The following ANKRD31 variants were observed in gnomAD, a reference collection of about 807,000 sequenced individuals.
The protein encoded by ANKRD31 is ankyrin repeat domain-containing protein 31.
A neutral mutation model predicts 186.0 loss-of-function variants in ANKRD31; 147 were observed. The observed-to-expected ratio is 0.79, with a 90% CI of 0.69 to 0.91. The LOEUF (loss-of-function observed/expected upper bound fraction) is 0.91. ANKRD31 is among the 40% of genes least tolerant of loss of function. The pLI, the probability that ANKRD31 is intolerant of heterozygous loss-of-function variation, is 0.00. For missense variants in ANKRD31, 1,986 were observed against 2,148.8 expected, an observed-to-expected ratio of 0.92 and a Z score of 1.50; for synonymous variants, 673 against 736.4, an observed-to-expected ratio of 0.91 and a Z score of 1.39.
intron 17 of ANKRD31, among the ~76,000 whole-genome samples, chr5:75,135,235 T>C (rs572334534): frequency 1.7e-4 from 26 of 152,332 alleles, no homozygotes; most frequent in Non-Finnish European, 3.2e-4. Context: ...TTGTCCCTGT[T>C]TGCAGATGAC....
At chr5:75,102,695 G>A (rs1390160539) in intron 22 of ANKRD31, among the ~76,000 whole-genome samples, 1 of 152,208 alleles carries the variant, frequency 6.6e-6, no homozygotes, top group Non-Finnish European at 1.5e-5. Context: ...TGTGTTAGCA[G>A]TGAGTGAGGC....
intron 10 of ANKRD31, among the ~76,000 whole-genome samples, chr5:75,187,509 C>T (rs1361734854): frequency 1.3e-5 from 2 of 151,004 alleles, no homozygotes; most frequent in Admixed American, 6.6e-5. Flanking sequence ...CTTGAGAAAT[C>T]CATAAAGTCA....
chr5:75,230,141 T>C (rs1017875018), intron 2 of ANKRD31, among the ~76,000 whole-genome samples: 1 of 151,922 alleles, frequency 6.6e-6, no homozygotes, highest in Admixed American at 6.6e-5. Flanking sequence ...GTTCCTGCCT[T>C]GAGCCCTGAG....
chr5:75,108,163 ATACT>A (rs1387031902), intron 20 of ANKRD31, among the ~76,000 whole-genome samples: 3 of 151,880 alleles, frequency 2.0e-5, no homozygotes, highest in East Asian at 1.9e-4. Context: ...ATTATTTTAA[ATACT>A]TACACTATAT....
chr5:75,069,507 G>C (rs1744043947), intron 25 of ANKRD31, among the ~76,000 whole-genome samples: 1 of 152,068 alleles, frequency 6.6e-6, no homozygotes, highest in African/African-American at 2.4e-5. Context: ...CCCATTCAGA[G>C]AGAAGTGACA....
chr5:75,104,958 G>T lies in ANKRD31; in HGVS notation c.4601C>A (p.Pro1534His). Residue 1534 changes from proline to histidine, a missense_variant, in exon 22 of 26, where the codon CCT (proline) becomes CAT (histidine). By Grantham distance (77) the Pro-to-His change is moderately conservative. Coordinates refer to ENST00000506364, the MANE Select transcript of ANKRD31 (RefSeq NM_001372053.1). ...LEHPQSGSLSPVSGSMQETQL... is the reference protein window; with the variant it reads ...LEHPQSGSLSHVSGSMQETQL... ...TGTTTCCTGCATGCTTCCAGAAACA[G>T]GAGAAAGTGAACCTGATTGGGGATG... 1 of 1,537,144 alleles carries T rather than the reference G, an allele frequency of 6.5e-7. No homozygotes were observed. Among genetic ancestry groups the T allele is most frequent in the Non-Finnish European group, 8.7e-7 (1 of 1,146,880 alleles).
At chr5:75,149,426 T>C (rs921188664) in intron 12 of ANKRD31, among the ~76,000 whole-genome samples, 2 of 151,940 alleles carry the variant, frequency 1.3e-5, no homozygotes, top group African/African-American at 4.8e-5. Context: ...TTTAATTTAT[T>C]TCTTGGGGAT....
chr5:75,139,442 A>G (rs113241702), intron 15 of ANKRD31, among the ~76,000 whole-genome samples: 132 of 152,320 alleles, frequency 8.7e-4, no homozygotes, highest in African/African-American at 2.6e-3. Context: ...GTGCTGTACA[A>G]TATCATTAAC....
intron 8 of ANKRD31, 52 bp downstream of exon 8, chr5:75,193,259 T>C: frequency 6.7e-7 from 1 of 1,491,352 alleles, no homozygotes; most frequent in South Asian, 1.3e-5. Context: ...CATATAATTA[T>C]CTATAATGTC....
At chr5:75,097,686 C>T (rs966145984) in intron 22 of ANKRD31, among the ~76,000 whole-genome samples, 2 of 152,174 alleles carry the variant, frequency 1.3e-5, no homozygotes, top group African/African-American at 2.4e-5. Context: ...TCAGTTTTGG[C>T]TTCTGTTGCC....
chr5:75,206,570 T>C (rs2150277827), intron 4 of ANKRD31, 83 bp from the exon 5 acceptor site: 1 of 780,890 alleles, frequency 1.3e-6, no homozygotes, highest in Non-Finnish European at 1.7e-6. Context: ...AATTTTTCTT[T>C]TTCACTTAAA....
chr5:75,161,547 A>G (rs1752570917), intron 11 of ANKRD31, among the ~76,000 whole-genome samples: 1 of 152,190 alleles, frequency 6.6e-6, no homozygotes, highest in African/African-American at 2.4e-5. Context: ...TTCTGAGGAG[A>G]AATTCAAGTC....
At chr5:75,122,836 T>C (rs957877090) in intron 17 of ANKRD31, among the ~76,000 whole-genome samples, 1 of 152,124 alleles carries the variant, frequency 6.6e-6, no homozygotes, top group African/African-American at 2.4e-5. Flanking sequence ...TCATATTGAA[T>C]TGGGAAGGGC....
intron 2 of ANKRD31, 63 bp from the exon 3 acceptor site, chr5:75,222,421 C>A: frequency 5.9e-6 from 7 of 1,182,360 alleles, no homozygotes; most frequent in Non-Finnish European, 7.1e-6. Context: ...TGATAATGGC[C>A]CAATAATTTT....
Position 75,236,753 on chromosome 5 carries a change from G to A in ANKRD31, c.-67C>T. 1.7e-6 allele frequency: 2 copies of A among 1,207,904 alleles called. No individual in the cohort carries two copies. The highest frequency in any genetic ancestry group is 2.3e-6 in the Non-Finnish European group (2 of 871,400). The allele number at this position is 1,207,904 out of a possible 1,614,324, so 74.8% of individuals were successfully genotyped here. A position where few individuals can be genotyped will look rare whatever the true frequency, so the allele number is the denominator to read the frequency against. On this transcript the variant is annotated 5_prime_UTR_variant, in exon 1 of 26. Coordinates refer to ENST00000506364, the MANE Select transcript of ANKRD31 (RefSeq NM_001372053.1). ...CCCTCTTGCCCGCAAACAAAAAAAC[G>A]CTTTGAGGGCCAGGGGAAATTGTGA...
intron 10 of ANKRD31, among the ~76,000 whole-genome samples, chr5:75,171,569 G>A (rs907132770): frequency 6.7e-6 from 1 of 148,944 alleles, no homozygotes; most frequent in Non-Finnish European, 1.5e-5. Context: ...AAAGAACAAA[G>A]AAAACAAAAA....
chr5:75,120,047 G>T (rs1748630640), intron 17 of ANKRD31, among the ~76,000 whole-genome samples: 1 of 151,974 alleles, frequency 6.6e-6, no homozygotes, highest in Admixed American at 6.6e-5. Flanking sequence ...CTTAAATTGT[G>T]TGTTAAAAAT....
At position 75,104,380 on chromosome 5, in the gene ANKRD31, TCTGA is replaced by T. The variant is rs1436486481; in HGVS notation, c.5175_5178del (p.Ser1725ArgfsTer14). The T allele has an allele frequency of 7.8e-6, 12 of 1,537,100 alleles. No homozygotes were observed. Among genetic ancestry groups the T allele is most frequent in the Non-Finnish European group, 1.0e-5 (12 of 1,146,910 alleles). ...TGCCCAGATCCAGAGGAAGAGGAGA[TCTGA>T]CTGTCATCTGCACATGGAACAACAG... On this transcript the variant is annotated frameshift_variant, in exon 22 of 26. Transcript: ENST00000506364. LOFTEE classifies it high-confidence loss of function.
Position 75,082,426 on chromosome 5 carries a change from A to G in ANKRD31, c.5576-1787T>C, listed in dbSNP as rs556823355. Among the ~76,000 whole-genome samples the G allele has an allele frequency of 2.6e-4, 40 of 152,280 alleles. 1 individual carries two copies. The highest frequency in any genetic ancestry group is 1.6e-3 in the Admixed American group (24 of 15,296). ...CTGTATTGTCCCCAAATGGTCAAAG[A>G]CAGGGACACTAGGAAAAAAAAGAGG... On this transcript the variant is annotated intron_variant, in intron 24 of 25. Coordinates refer to ENST00000506364, the MANE Select transcript of ANKRD31 (RefSeq NM_001372053.1).
Sources: allele counts gnomAD v4.1 joint callset (sites outside exome capture counted in the v4.1 genomes callset), GRCh38; gene constraint gnomAD v4.1.1; transcripts MANE v1.5; gene names NCBI Gene and HGNC (gene_info 2026-07-23, HGNC 2026-07-21).